PTPRM: variants seen among roughly 807,000 people sequenced by gnomAD.
PTPRM encodes the protein protein tyrosine phosphatase receptor type M, also known as receptor-type tyrosine-protein phosphatase mu.
A neutral mutation model predicts 186.7 loss-of-function variants in PTPRM; 47 were observed. The observed-to-expected ratio is 0.25, with a 90% CI of 0.20 to 0.32. The LOEUF is 0.32. Ranked by LOEUF, PTPRM falls within the 10% of genes least tolerant of loss-of-function variation. The pLI, the probability that PTPRM is intolerant of heterozygous loss-of-function variation, is 1.00. For synonymous variants in PTPRM, 668 were observed against 674.9 expected, an observed-to-expected ratio of 0.99 and a Z score of 0.16; for missense variants, 1,494 against 1,865.0, an observed-to-expected ratio of 0.80 and a Z score of 3.66.
intron 1 of PTPRM, among the ~76,000 whole-genome samples, chr18:7,651,577 G>C (rs1240814998): frequency 6.6e-6 from 1 of 151,876 alleles, no homozygotes; most frequent in African/African-American, 2.4e-5. Context: ...GAACAGAACA[G>C]AGCCCTCAGA....
intron 1 of PTPRM, among the ~76,000 whole-genome samples, chr18:7,762,752 T>A (rs2041836930): frequency 6.6e-6 from 1 of 151,954 alleles, no homozygotes; most frequent in South Asian, 2.1e-4. Context: ...GAAAGAAAAA[T>A]TTAAGCAGTT....
At chr18:8,274,195 G>A (rs2094807070) in intron 19 of PTPRM, among the ~76,000 whole-genome samples, 1 of 152,138 alleles carries the variant, frequency 6.6e-6, no homozygotes, top group African/African-American at 2.4e-5. Context: ...CAATTTCCAT[G>A]TTGGACTTCT....
chr18:7,846,762 C>G (rs1358051233), intron 2 of PTPRM, among the ~76,000 whole-genome samples: 4 of 152,158 alleles, frequency 2.6e-5, no homozygotes, highest in Admixed American at 1.3e-4. Flanking sequence ...CACTGTTTTG[C>G]CTACCTGCTT....
At chr18:7,644,309 G>A (rs542322039) in intron 1 of PTPRM, among the ~76,000 whole-genome samples, 1 of 152,178 alleles carries the variant, frequency 6.6e-6, no homozygotes, top group African/African-American at 2.4e-5. Context: ...TTTCAAATTA[G>A]AAAATCTTTC....
At chr18:8,080,330 A>G (rs1250556167) in intron 9 of PTPRM, among the ~76,000 whole-genome samples, 1 of 152,214 alleles carries the variant, frequency 6.6e-6, no homozygotes, top group Admixed American at 6.5e-5. Flanking sequence ...AGTAAATACC[A>G]GACTCCTGGT....
At chr18:7,961,528 AT>A (rs1337091464) in intron 7 of PTPRM, among the ~76,000 whole-genome samples, 3 of 152,254 alleles carry the variant, frequency 2.0e-5, no homozygotes, top group Admixed American at 6.5e-5. Context: ...CTTAGAGACT[AT>A]AAGCACTGAC....
At chr18:7,784,648 C>T (rs1474326870) in intron 2 of PTPRM, among the ~76,000 whole-genome samples, 1 of 152,206 alleles carries the variant, frequency 6.6e-6, no homozygotes, top group East Asian at 1.9e-4. Flanking sequence ...TCTACCAAGA[C>T]CACCCAGTCT....
chr18:7,801,596 C>G (rs144238089), intron 2 of PTPRM, among the ~76,000 whole-genome samples: 605 of 152,272 alleles, frequency 4.0e-3, no homozygotes, highest in African/African-American at 0.014. Flanking sequence ...ATTCATAAAC[C>G]AGTAACATAG....
intron 32 of PTPRM, among the ~76,000 whole-genome samples, chr18:8,401,538 T>G (rs1256286314): frequency 1.3e-5 from 2 of 152,162 alleles, no homozygotes; most frequent in Non-Finnish European, 2.9e-5. Context: ...CCGTTCAGGG[T>G]CTAGCCAAAA....
intron 5 of PTPRM, among the ~76,000 whole-genome samples, chr18:7,941,007 A>G (rs1441177585): frequency 6.6e-6 from 1 of 152,220 alleles, no homozygotes; most frequent in Admixed American, 6.5e-5. Context: ...TTTTACTGCG[A>G]GGATTTCAAA....
At chr18:7,832,402 C>T (rs1458726479) in intron 2 of PTPRM, among the ~76,000 whole-genome samples, 6 of 152,056 alleles carry the variant, frequency 3.9e-5, no homozygotes, top group Non-Finnish European at 8.8e-5. Flanking sequence ...TTTTCATATG[C>T]CTGTTTGCCA....
At chr18:7,657,639 A>G (rs1056173628) in intron 1 of PTPRM, among the ~76,000 whole-genome samples, 2 of 152,254 alleles carry the variant, frequency 1.3e-5, no homozygotes, top group South Asian at 2.1e-4. Context: ...GAGCTGAGCC[A>G]TGAAAGGGGC....
intron 7 of PTPRM, among the ~76,000 whole-genome samples, chr18:7,974,907 A>T (rs1362328167): frequency 6.6e-6 from 1 of 152,224 alleles, no homozygotes; most frequent in Non-Finnish European, 1.5e-5. Context: ...TGTATATCAG[A>T]ATCACCTGGA....
Position 8,313,680 on chromosome 18 carries a change from C to T in PTPRM, c.2843-1101C>T, listed in dbSNP as rs181659464. Among the ~76,000 whole-genome samples, 389 of 151,684 alleles carry T rather than the reference C, an allele frequency of 2.6e-3. 4 individuals carry two copies. The highest frequency in any genetic ancestry group is 4.7e-3 in the Non-Finnish European group (319 of 67,932). On this transcript the variant is annotated intron_variant, in intron 20 of 32. Transcript: ENST00000580170. The stretch of plus-strand genomic sequence containing the variant: ...TTAGTGGTGATTTCTGAGATTTTGG[C>T]GCACCCGTCACCCAGGCAGTGTACA...
intron 2 of PTPRM, among the ~76,000 whole-genome samples, chr18:7,834,495 C>CACACACACACACACAT (rs1555613416): frequency 5.7e-5 from 8 of 139,518 alleles, no homozygotes; most frequent in African/African-American, 1.9e-4. Context: ...CAAGTATACA[C>CACACACACACACACAT]ACACACACAC....
At chr18:8,099,723 A>G (rs2145512367) in intron 11 of PTPRM, among the ~76,000 whole-genome samples, 1 of 152,334 alleles carries the variant, frequency 6.6e-6, no homozygotes, top group Admixed American at 6.5e-5. Flanking sequence ...AGTATAAGTG[A>G]CATCTAATCT....
chr18:7,778,009 A>G (rs1468138230), intron 2 of PTPRM, among the ~76,000 whole-genome samples: 2 of 152,244 alleles, frequency 1.3e-5, no homozygotes, highest in African/African-American at 4.8e-5. Flanking sequence ...TAATTCATCA[A>G]GATGAATTTA....
chr18:8,254,946 C>T (rs769986223), intron 19 of PTPRM, among the ~76,000 whole-genome samples: 20 of 152,318 alleles, frequency 1.3e-4, no homozygotes, highest in Admixed American at 9.2e-4. Flanking sequence ...CCATCCAGAC[C>T]GTGCTCCAGG....
intron 2 of PTPRM, among the ~76,000 whole-genome samples, chr18:7,786,264 T>C (rs1448994083): frequency 3.3e-5 from 5 of 152,196 alleles, no homozygotes; most frequent in African/African-American, 1.2e-4. Context: ...GTGGACAAAT[T>C]GAAACAACTG....
Sources: allele counts gnomAD v4.1 joint callset (sites outside exome capture counted in the v4.1 genomes callset), GRCh38; gene constraint gnomAD v4.1.1; transcripts MANE v1.5; gene names NCBI Gene and HGNC (gene_info 2026-07-23, HGNC 2026-07-21).